Variants in TARS3 observed in about 807,000 individuals in gnomAD.
The protein encoded by TARS3 is threonine--tRNA ligase 2, cytoplasmic.
A neutral mutation model predicts 103.5 loss-of-function variants in TARS3; 94 were observed. That is an observed-to-expected ratio of 0.91 (90% CI 0.77 to 1.08). The LOEUF is 1.08. Among genes scored for constraint, TARS3 ranks in the 50% least tolerant of loss-of-function variants. The probability of loss-of-function intolerance (pLI) is 0.00; values close to 1 mark genes in which losing one functional copy is unlikely to be tolerated. For missense variants in TARS3, 952 were observed against 995.2 expected (o/e 0.96, Z 0.58); for synonymous variants, 416 against 355.4 (o/e 1.17, Z -1.92).
chr15:101,708,850 T>C lies in TARS3; in HGVS notation c.873A>G (p.Glu291=). Residue 291 remains glutamate (E), a synonymous_variant, in exon 6 of 19, where the codon GAA becomes GAG. Coordinates refer to ENST00000335968, the MANE Select transcript of TARS3 (RefSeq NM_152334.3). The part of the protein sequence containing the change: ...LENICKAIIK[E]KQPFERLEVS... ...CTTCTAGTCTTTCAAAAGGTTGCTT[T>C]TCTTTTATGATGGCTTTACATATAT... is the stretch of plus-strand genomic sequence containing the variant. 3 of 1,613,652 alleles carry C rather than the reference T, an allele frequency of 1.9e-6. No individual in the cohort carries two copies. The highest frequency in any genetic ancestry group is 2.5e-6 in the Non-Finnish European group (3 of 1,179,864).
chr15:101,691,670 TTGTG>T (rs1898731961), intron 10 of TARS3, among the ~76,000 whole-genome samples: 1 of 152,194 alleles, frequency 6.6e-6, no homozygotes, highest in Non-Finnish European at 1.5e-5. Context: ...GTTACCTTTT[TTGTG>T]TGTGTGACAA....
chr15:101,678,505 CTT>C (rs60444420), intron 12 of TARS3, among the ~76,000 whole-genome samples: 1 of 148,056 alleles, frequency 6.8e-6, no homozygotes, highest in South Asian at 2.1e-4. Context: ...CTGTCTATAG[CTT>C]TTTTTTTTAT....
At chr15:101,671,884 C>A (rs748065104) in intron 13 of TARS3, 136 bp from the exon 14 acceptor site, 5 of 720,156 alleles carry the variant, frequency 6.9e-6, no homozygotes, top group Non-Finnish European at 1.2e-5. Flanking sequence ...CTTTTACATT[C>A]AATAAACTAT....
chr15:101,706,585 C>G (rs1366147296), intron 6 of TARS3, among the ~76,000 whole-genome samples: 1 of 152,044 alleles, frequency 6.6e-6, no homozygotes, highest in Non-Finnish European at 1.5e-5. Flanking sequence ...TAACATTAAT[C>G]AATAAAATTC....
chr15:101,671,924 G>A (rs1234246631), intron 13 of TARS3, among the ~76,000 whole-genome samples, 176 bp from the exon 14 acceptor site: 1 of 152,052 alleles, frequency 6.6e-6, no homozygotes, highest in Non-Finnish European at 1.5e-5. Flanking sequence ...GATGATTAAG[G>A]TGGCACCTGC....
chr15:101,689,064 T>C (rs918728765), intron 10 of TARS3, among the ~76,000 whole-genome samples: 7 of 152,256 alleles, frequency 4.6e-5, no homozygotes, highest in South Asian at 2.1e-4. Context: ...TGCTTGGGAG[T>C]TGAGATTGTC....
intron 2 of TARS3, among the ~76,000 whole-genome samples, chr15:101,722,206 CT>C (rs1900502270): frequency 1.4e-5 from 2 of 147,906 alleles, no homozygotes; most frequent in South Asian, 4.3e-4. Flanking sequence ...ATTTTACCCG[CT>C]GGCATCTCCC....
At chr15:101,668,821 G>A (rs1225954428) in intron 15 of TARS3, among the ~76,000 whole-genome samples, 2 of 152,136 alleles carry the variant, frequency 1.3e-5, no homozygotes, top group African/African-American at 4.8e-5. Flanking sequence ...TTTGTGGTGA[G>A]GCTGGTGTAA....
intron 6 of TARS3, 133 bp downstream of exon 6, chr15:101,708,660 A>C: frequency 1.5e-6 from 1 of 681,866 alleles, no homozygotes; most frequent in African/African-American, 1.8e-5. Context: ...AACTGGTAAC[A>C]ACCTCACAGT....
At chr15:101,702,099 G>A in intron 9 of TARS3, 140 bp downstream of exon 9, 1 of 869,228 alleles carries the variant, frequency 1.2e-6, no homozygotes, top group South Asian at 1.6e-5. Context: ...TGAAAGCACT[G>A]AGCAGCGGAC....
intron 11 of TARS3, 131 bp from the exon 12 acceptor site, chr15:101,684,368 T>TA (rs549530214): frequency 1.9e-3 from 1,575 of 847,218 alleles, no homozygotes; most frequent in Middle Eastern, 2.7e-3. Context: ...ATCACCAGGT[T>TA]AAAAAAAAAA....
chr15:101,717,114 C>T (rs1900196668), intron 3 of TARS3, among the ~76,000 whole-genome samples: 1 of 152,192 alleles, frequency 6.6e-6, no homozygotes, highest in African/African-American at 2.4e-5. Flanking sequence ...ACCTTCACCT[C>T]CCAAAGTGCT....
At position 101,724,285 on chromosome 15, in the gene TARS3, C is replaced by G. The variant is rs765243100; in HGVS notation, c.103G>C (p.Glu35Gln). The part of the protein sequence containing the change: ...LWSEVERLRD[E>Q]QLNAPYSCQA... ...CAGCTGTAGGGCGCGTTCAGCTGCT[C>G]GTCCCTCAGGCGCTCGACCTCCGAC... is the stretch of plus-strand genomic sequence containing the variant. Residue 35 changes from glutamate (E) to glutamine (Q), a missense_variant, in exon 1 of 19, where the codon GAG becomes CAG. Around this residue, in one of 2 missense-constraint regions of TARS3, gnomAD observed 412 missense variants for 364.2 expected, o/e 1.13. Coordinates refer to ENST00000335968, the MANE Select transcript of TARS3 (RefSeq NM_152334.3). 2 of 1,574,334 alleles carry G rather than the reference C, an allele frequency of 1.3e-6. No homozygotes were observed. Among genetic ancestry groups the G allele is most frequent in the South Asian group, 1.2e-5 (1 of 86,360 alleles).
chr15:101,665,446 A>G (rs1011903849), intron 15 of TARS3, among the ~76,000 whole-genome samples: 1 of 152,250 alleles, frequency 6.6e-6, no homozygotes, highest in Admixed American at 6.5e-5. Flanking sequence ...GTTCATCAAA[A>G]TATTTCAGCC....
intron 13 of TARS3, among the ~76,000 whole-genome samples, chr15:101,674,582 G>A (rs1897945908): frequency 6.6e-6 from 1 of 152,190 alleles, no homozygotes; most frequent in Non-Finnish European, 1.5e-5. Context: ...CGAGGCAGGA[G>A]GATCAGGAGG....
At chr15:101,687,303 T>G (rs1898516725) in intron 10 of TARS3, among the ~76,000 whole-genome samples, 1 of 152,088 alleles carries the variant, frequency 6.6e-6, no homozygotes, top group Non-Finnish European at 1.5e-5. Flanking sequence ...CTCAGGAGGC[T>G]GAAGCAGGAG....
At chr15:101,713,350 G>C (rs2141448399) in intron 4 of TARS3, among the ~76,000 whole-genome samples, 2 of 152,312 alleles carry the variant, frequency 1.3e-5, no homozygotes, top group East Asian at 3.9e-4. Flanking sequence ...AGGCCTTGGG[G>C]AGGAGCTTGC....
chr15:101,697,473 T>G (rs1178742182), intron 10 of TARS3, among the ~76,000 whole-genome samples: 35 of 152,274 alleles, frequency 2.3e-4, no homozygotes, highest in Admixed American at 2.3e-3. Flanking sequence ...TTTGGCTCCC[T>G]ATGGTAAAAT....
intron 10 of TARS3, among the ~76,000 whole-genome samples, chr15:101,697,735 G>C (rs1017097718): frequency 4.6e-5 from 7 of 152,146 alleles, no homozygotes; most frequent in Admixed American, 3.9e-4. Flanking sequence ...ATGATCTACT[G>C]TAAGTGCACC....
Sources: allele counts gnomAD v4.1 joint callset (sites outside exome capture counted in the v4.1 genomes callset), GRCh38; gene constraint gnomAD v4.1.1; regional missense constraint gnomAD v4.1.1; transcripts MANE v1.5; gene names NCBI Gene and HGNC (gene_info 2026-07-23, HGNC 2026-07-21).